AMPH: variants seen among roughly 807,000 people sequenced by gnomAD.
The protein encoded by AMPH is amphiphysin (Stiff-Mann syndrome with breast cancer 128kD autoantigen).
A neutral mutation model predicts 99.1 loss-of-function variants in AMPH; 49 were observed. That is an observed-to-expected ratio of 0.49 (90% confidence interval 0.39 to 0.63). The LOEUF is 0.63. AMPH is among the 20% of genes least tolerant of loss of function. The pLI is 0.00. For missense variants in AMPH, 759 were observed against 863.4 expected, an observed-to-expected ratio of 0.88 and a Z score of 1.52; for synonymous variants, 314 against 317.3, an observed-to-expected ratio of 0.99 and a Z score of 0.11.
chr7:38,592,536 G>A (rs1792893320), intron 1 of AMPH, among the ~76,000 whole-genome samples: 1 of 152,082 alleles, frequency 6.6e-6, no homozygotes, highest in Admixed American at 6.5e-5. Context: ...GCTCAAACCA[G>A]CCTGACCAAT....
In AMPH at chr7:38,453,816, C is replaced by T. The variant is rs1175572993; in HGVS notation, c.1017+7467G>A. Reference sequence around the variant, plus strand: ...AACTGAGAGGATGCTCTTGGAGGGTCCAGGTCAAAGCAACTGAGTAAGGGT... The same window carrying T: ...AACTGAGAGGATGCTCTTGGAGGGTTCAGGTCAAAGCAACTGAGTAAGGGT... On this transcript the variant is annotated intron_variant, in intron 11 of 20. Coordinates refer to ENST00000356264, the MANE Select transcript of AMPH (RefSeq NM_001635.4). Among the ~76,000 whole-genome samples, 3 of 152,254 alleles carry T rather than the reference C, an allele frequency of 2.0e-5. No homozygotes were observed. The East Asian group carries it at 5.8e-4, about 29-fold the overall frequency.
At chr7:38,620,014 T>C (rs1793997850) in intron 1 of AMPH, among the ~76,000 whole-genome samples, 1 of 152,136 alleles carries the variant, frequency 6.6e-6, no homozygotes. Context: ...TGCCATTAAG[T>C]TGGGAGATCC....
At chr7:38,564,317 C>T (rs1791653778) in intron 1 of AMPH, among the ~76,000 whole-genome samples, 1 of 152,142 alleles carries the variant, frequency 6.6e-6, no homozygotes, top group Non-Finnish European at 1.5e-5. Flanking sequence ...ACTATACAGA[C>T]TGTGACCCAC....
At chr7:38,424,480 T>C (rs1465896338) in intron 15 of AMPH, among the ~76,000 whole-genome samples, 10 of 152,152 alleles carry the variant, frequency 6.6e-5, no homozygotes, top group African/African-American at 7.2e-5. Flanking sequence ...AAAAGAGTTA[T>C]TGGAAATTGA....
At chr7:38,469,153 C>CAAAAA (rs869172352) in intron 7 of AMPH, among the ~76,000 whole-genome samples, 1 of 28,878 alleles carries the variant, frequency 3.5e-5, no homozygotes, top group African/African-American at 2.3e-4. Flanking sequence ...GACTCCGCCT[C>CAAAAA]AAAAAAAAAA....
chr7:38,602,050 C>T lies in AMPH; in HGVS notation c.69+29233G>A, dbSNP rs1793263810. On this transcript the variant is annotated intron_variant, in intron 1 of 20. Coordinates refer to ENST00000356264, the MANE Select transcript of AMPH (RefSeq NM_001635.4). ...CTAAGGAAGGCAGCAAATAAAAGTC[C>T]TTCAACCTGGTCATCTCACCCTGTC... 2.0e-5 allele frequency among the ~76,000 whole-genome samples: 3 copies of T among 152,178 alleles called. No individual in the cohort carries two copies. The South Asian group carries it at 6.2e-4, about 32-fold the overall frequency.
intron 17 of AMPH, among the ~76,000 whole-genome samples, chr7:38,400,654 T>C (rs571633601): frequency 6.6e-6 from 1 of 152,266 alleles, no homozygotes; most frequent in South Asian, 2.1e-4. Flanking sequence ...CATGTCAGAG[T>C]AGTGATAGGC....
intron 1 of AMPH, among the ~76,000 whole-genome samples, chr7:38,550,270 C>T (rs1198586126): frequency 6.6e-6 from 1 of 152,214 alleles, no homozygotes; most frequent in African/African-American, 2.4e-5. Context: ...TGCAGTATCT[C>T]AGGCCCTATT....
chr7:38,539,617 G>A (rs950693174), intron 1 of AMPH, among the ~76,000 whole-genome samples: 1 of 152,180 alleles, frequency 6.6e-6, no homozygotes, highest in African/African-American at 2.4e-5. Flanking sequence ...TGCACACACA[G>A]CAGATCCATC....
intron 2 of AMPH, among the ~76,000 whole-genome samples, chr7:38,525,686 G>A (rs953818004): frequency 1.3e-5 from 2 of 151,986 alleles, no homozygotes; most frequent in African/African-American, 4.8e-5. Context: ...TCACATAAGT[G>A]GAATCCCACA....
At chr7:38,534,761 G>A (rs1200467200) in intron 2 of AMPH, among the ~76,000 whole-genome samples, 170 bp downstream of exon 2, 1 of 152,104 alleles carries the variant, frequency 6.6e-6, no homozygotes, top group Non-Finnish European at 1.5e-5. Flanking sequence ...ACTCTCTATG[G>A]CTCTTTCCCC....
At chr7:38,509,776 C>T (rs372928947) in intron 2 of AMPH, among the ~76,000 whole-genome samples, 65 of 152,248 alleles carry the variant, frequency 4.3e-4, no homozygotes, top group African/African-American at 1.4e-3. Context: ...GGGAGAAGCA[C>T]GGAGAGCTGA....
rs553088641 is a variant in AMPH at position 38,571,905 on chromosome 7, T to C, written c.70-36894A>G. Among the ~76,000 whole-genome samples, 31 of 87,198 alleles carry C rather than the reference T, an allele frequency of 3.6e-4. No homozygotes were observed. In the East Asian group the frequency reaches 6.6e-3, roughly 19 times the overall value. 57.2% of individuals were successfully genotyped at this position (87,198 alleles called of 152,430 possible). On this transcript the variant is annotated intron_variant, in intron 1 of 20. Coordinates refer to ENST00000356264, the MANE Select transcript of AMPH (RefSeq NM_001635.4). ...TCATGATAAGTACCCTATACACGTTTATCTTTTTTTTTTTTTTGAGATGGA... is the reference window on the plus strand; with the variant it reads ...TCATGATAAGTACCCTATACACGTTCATCTTTTTTTTTTTTTTGAGATGGA...
intron 3 of AMPH, among the ~76,000 whole-genome samples, chr7:38,496,926 A>G (rs2129023321): frequency 6.6e-6 from 1 of 152,332 alleles, no homozygotes; most frequent in South Asian, 2.1e-4. Context: ...GTGATGAAAA[A>G]TAAAATCATG....
rs1287068174 is a variant in AMPH, at chr7:38,570,971, ATATATATATATT to A, written c.70-35972_70-35961del. Among the ~76,000 whole-genome samples the A allele has an allele frequency of 3.1e-3, 46 of 14,926 alleles. 7 individuals carry two copies. The highest frequency in any genetic ancestry group is 0.011 in the African/African-American group (45 of 4,096). The allele number at this position is 14,926 out of a possible 152,430, so 9.8% of individuals were successfully genotyped here. A position where few individuals can be genotyped will look rare whatever the true frequency, so the allele number is the denominator to read the frequency against. On this transcript the variant is annotated intron_variant, in intron 1 of 20. Coordinates refer to ENST00000356264, the MANE Select transcript of AMPH (RefSeq NM_001635.4). ...TATATATATAGAATATATATATAGAATATATATATATTCAATATATATATATTCATATATATA... is the reference window on the plus strand; with the variant it reads ...TATATATATAGAATATATATATAGAACAATATATATATATTCATATATATA...
At chr7:38,420,800 G>A (rs73348893) in intron 16 of AMPH, 8,353 of 349,498 alleles carry the variant, frequency 0.024, 608 homozygotes, top group African/African-American at 0.16. Context: ...CCTGAGCCCC[G>A]AGCAAGAGTT....
chr7:38,595,930 G>A (rs1340105885), intron 1 of AMPH, among the ~76,000 whole-genome samples: 3 of 152,184 alleles, frequency 2.0e-5, no homozygotes, highest in South Asian at 2.1e-4. Context: ...GTATTCCATA[G>A]TGTATCTGTA....
intron 1 of AMPH, among the ~76,000 whole-genome samples, chr7:38,614,823 T>C (rs4720294): frequency 0.08 from 12,159 of 152,158 alleles, 797 homozygotes; most frequent in African/African-American, 0.17. Flanking sequence ...GTTGCTGGGA[T>C]ATAACTACTG....
intron 1 of AMPH, among the ~76,000 whole-genome samples, chr7:38,570,982 TTCA>T (rs374855156): frequency 2.1e-3 from 19 of 9,058 alleles, no homozygotes; most frequent in African/African-American, 2.9e-3. Flanking sequence ...TATATATATA[TTCA>T]ATATATATAT....
Sources: gnomAD v4.1 joint callset for allele counts (sites outside exome capture counted in the v4.1 genomes callset) on GRCh38, gnomAD v4.1.1 for gene constraint, MANE v1.5 for transcripts, NCBI Gene and HGNC (gene_info 2026-07-23, HGNC 2026-07-21) for gene names.